Variants in MINDY2 observed in about 807,000 individuals in gnomAD.
The protein encoded by MINDY2 is ubiquitin carboxyl-terminal hydrolase MINDY-2.
A neutral mutation model predicts 68.2 loss-of-function variants in MINDY2; 52 were observed. The ratio of observed to expected loss-of-function variants is 0.76; its 90% CI spans 0.61 to 0.96. MINDY2 has a LOEUF of 0.96. MINDY2 is among the 40% of genes least tolerant of loss of function. The pLI, the probability that MINDY2 is intolerant of heterozygous loss-of-function variation, is 0.00. For missense variants in MINDY2, 881 were observed against 773.4 expected, an observed-to-expected ratio of 1.14 and a Z score of -1.65; for synonymous variants, 372 against 303.0, an observed-to-expected ratio of 1.23 and a Z score of -2.36.
At chr15:58,845,084 G>A (rs1218833478) in intron 6 of MINDY2, among the ~76,000 whole-genome samples, 1 of 151,806 alleles carries the variant, frequency 6.6e-6, no homozygotes, top group African/African-American at 2.4e-5. Context: ...ACGGGAAAAT[G>A]ATTTCAGTAG....
intron 5 of MINDY2, among the ~76,000 whole-genome samples, chr15:58,826,992 G>T (rs1416255967): frequency 6.6e-6 from 1 of 151,548 alleles, no homozygotes; most frequent in African/African-American, 2.4e-5. Flanking sequence ...GTCCAGGCCA[G>T]TTGTTCCACA....
intron 6 of MINDY2, among the ~76,000 whole-genome samples, chr15:58,832,701 G>GT (rs1464994584): frequency 7.0e-6 from 1 of 143,724 alleles, no homozygotes; most frequent in Non-Finnish European, 1.5e-5. Context: ...CTAATTTTGT[G>GT]TTTTTAGTAG....
intron 2 of MINDY2, chr15:58,796,025 G>T (rs1342711680): frequency 1.1e-5 from 5 of 451,196 alleles, no homozygotes; most frequent in Non-Finnish European, 1.8e-5. Flanking sequence ...TGTGGTTATT[G>T]TGACCTTCAT....
chr15:58,797,504 T>C (rs1298353645), intron 2 of MINDY2, among the ~76,000 whole-genome samples: 1 of 152,190 alleles, frequency 6.6e-6, no homozygotes, highest in Non-Finnish European at 1.5e-5. Flanking sequence ...TGAGACCCTA[T>C]CTCAAACAAA....
intron 5 of MINDY2, among the ~76,000 whole-genome samples, chr15:58,827,348 A>G (rs1240930013): frequency 6.6e-6 from 1 of 152,146 alleles, no homozygotes; most frequent in Admixed American, 6.6e-5. Flanking sequence ...GGTGGTTATA[A>G]TTTCTGTTAT....
intron 3 of MINDY2, among the ~76,000 whole-genome samples, chr15:58,806,013 G>A (rs1311625253): frequency 2.6e-5 from 4 of 152,230 alleles, no homozygotes; most frequent in Non-Finnish European, 5.9e-5. Flanking sequence ...GGTGGAGGTT[G>A]CAGTGAGCCG....
At chr15:58,779,467 C>T (rs1900993461) in intron 1 of MINDY2, among the ~76,000 whole-genome samples, 1 of 152,170 alleles carries the variant, frequency 6.6e-6, no homozygotes, top group African/African-American at 2.4e-5. Context: ...TTTCCTCTGA[C>T]TTGCAGAAAC....
rs1262399410 is a variant in MINDY2, at chr15:58,771,733, A to G, written c.338A>G (p.Glu113Gly). Residue 113 changes from glutamate to glycine, a missense_variant, in exon 1 of 9, where the codon GAG (glutamate) becomes GGG (glycine). Transcript: ENST00000559228. ...RGQYKVTASP[E>G]TAVAGVGHEL... is the part of the protein sequence containing the mutation. ...CAGTACAAGGTGACCGCCTCCCCGGAGACAGCCGTGGCCGGAGTGGGTCAT... is the reference window on the plus strand; with the variant it reads ...CAGTACAAGGTGACCGCCTCCCCGGGGACAGCCGTGGCCGGAGTGGGTCAT... The G allele has an allele frequency of 6.2e-7, 1 of 1,611,826 alleles. No homozygotes were observed. Among genetic ancestry groups the G allele is most frequent in the African/African-American group, 1.3e-5 (1 of 74,896 alleles).
chr15:58,790,128 C>G (rs555685962), intron 2 of MINDY2, among the ~76,000 whole-genome samples: 1 of 152,326 alleles, frequency 6.6e-6, no homozygotes, highest in Non-Finnish European at 1.5e-5. Context: ...TCCCCATTCA[C>G]TGGCTAGGGA....
chr15:58,849,263 G>A (rs1275404413), intron 7 of MINDY2, among the ~76,000 whole-genome samples: 1 of 151,932 alleles, frequency 6.6e-6, no homozygotes, highest in African/African-American at 2.4e-5. Context: ...AGCACTTTGG[G>A]AGGCCAAGGC....
intron 8 of MINDY2, among the ~76,000 whole-genome samples, chr15:58,854,171 G>C (rs1482357836): frequency 6.6e-6 from 1 of 151,590 alleles, no homozygotes; most frequent in East Asian, 1.9e-4. Flanking sequence ...TTGAACCCAG[G>C]AAGTGGAGGT....
chr15:58,785,373 A>G (rs1158717280), intron 1 of MINDY2, among the ~76,000 whole-genome samples: 1 of 152,144 alleles, frequency 6.6e-6, no homozygotes, highest in East Asian at 1.9e-4. Context: ...AAAAAAAATC[A>G]TCTAATGCAG....
At chr15:58,842,359 TAGA>T (rs2032325716) in intron 6 of MINDY2, among the ~76,000 whole-genome samples, 1 of 152,138 alleles carries the variant, frequency 6.6e-6, no homozygotes, top group African/African-American at 2.4e-5. Flanking sequence ...AAAAGTAGTT[TAGA>T]AGGAGGTACA....
At chr15:58,810,144 A>G in intron 3 of MINDY2, 86 bp from the exon 4 acceptor site, 2 of 1,203,012 alleles carry the variant, frequency 1.7e-6, no homozygotes, top group Non-Finnish European at 2.3e-6. Context: ...ATGGAAAATT[A>G]AAAGTAAATG....
chr15:58,807,858 A>G (rs1190611273), intron 3 of MINDY2, among the ~76,000 whole-genome samples: 1 of 152,112 alleles, frequency 6.6e-6, no homozygotes, highest in African/African-American at 2.4e-5. Flanking sequence ...GGACACAGTA[A>G]TAAACTCGTT....
chr15:58,808,631 G>C (rs901660309), intron 3 of MINDY2, among the ~76,000 whole-genome samples: 1 of 151,994 alleles, frequency 6.6e-6, no homozygotes, highest in African/African-American at 2.4e-5. Flanking sequence ...TTGAGACAGA[G>C]TCTCGCCCTG....
At chr15:58,848,629 G>A (rs347111) in intron 7 of MINDY2, among the ~76,000 whole-genome samples, 1 of 151,974 alleles carries the variant, frequency 6.6e-6, no homozygotes, top group Non-Finnish European at 1.5e-5. Context: ...GCCTGTAGTC[G>A]CAGCTACTCA....
Position 58,831,868 on chromosome 15 carries a change from TTG to T in MINDY2, c.1326_1327del (p.Phe443LeufsTer4). 1 of 1,613,732 alleles carries T rather than the reference TTG, an allele frequency of 6.2e-7. No individual in the cohort carries two copies. Among genetic ancestry groups the T allele is most frequent in the Non-Finnish European group, 8.5e-7 (1 of 1,179,804 alleles). On this transcript the variant is annotated frameshift_variant, in exon 6 of 9. Transcript: ENST00000559228. LOFTEE classifies it high-confidence loss of function. ...CTTCAACGGTTCAGGAAGGAGAACT[TTG>T]TGTGTTCTTTCGGAATAATCATTTT... ...LTSTVQEGEL[C>X]VFFRNNHFST...
chr15:58,851,284 T>C (rs1410472939), intron 7 of MINDY2, among the ~76,000 whole-genome samples: 5 of 151,920 alleles, frequency 3.3e-5, no homozygotes, highest in Non-Finnish European at 7.4e-5. Context: ...TCCAAAAATA[T>C]TTAGAACAAT....
Sources: gnomAD v4.1 joint callset for allele counts (sites outside exome capture counted in the v4.1 genomes callset) on GRCh38, gnomAD v4.1.1 for gene constraint, MANE v1.5 for transcripts, NCBI Gene and HGNC (gene_info 2026-07-23, HGNC 2026-07-21) for gene names.